ZBTB43: variants seen among roughly 807,000 people sequenced by gnomAD.
The protein encoded by ZBTB43 is zinc finger and BTB domain containing 43, also known as zinc finger and BTB domain-containing protein 43.
ZBTB43 carries 6 observed loss-of-function variants against 31.1 expected under a neutral mutation model. The observed-to-expected ratio is 0.19, with a 90% CI of 0.11 to 0.38. The LOEUF (loss-of-function observed/expected upper bound fraction) is 0.38. ZBTB43 is among the 10% of genes least tolerant of loss of function. The probability of loss-of-function intolerance (pLI) is 1.00; values close to 1 mark genes in which losing one functional copy is unlikely to be tolerated. For missense variants in ZBTB43, 379 were observed against 602.1 expected, an observed-to-expected ratio of 0.63 and a Z score of 3.88; for synonymous variants, 212 against 221.7, an observed-to-expected ratio of 0.96 and a Z score of 0.39.
At chr9:126,825,130 A>G (rs935696028) in intron 2 of ZBTB43, among the ~76,000 whole-genome samples, 5 of 151,880 alleles carry the variant, frequency 3.3e-5, no homozygotes, top group Non-Finnish European at 5.9e-5. Context: ...TGGTAGAGAC[A>G]GGTTCTCACT....
At chr9:126,827,658 C>T (rs2032671881) in intron 2 of ZBTB43, among the ~76,000 whole-genome samples, 1 of 152,212 alleles carries the variant, frequency 6.6e-6, no homozygotes, top group Non-Finnish European at 1.5e-5. Flanking sequence ...CCATAACCTC[C>T]CTTGTGGCAT....
At chr9:126,827,638 C>T (rs953451035) in intron 2 of ZBTB43, among the ~76,000 whole-genome samples, 1 of 152,212 alleles carries the variant, frequency 6.6e-6, no homozygotes, top group African/African-American at 2.4e-5. Context: ...GCTTCTGACT[C>T]CACCATTTTC....
intron 2 of ZBTB43, among the ~76,000 whole-genome samples, chr9:126,809,978 G>A (rs2032206558): frequency 6.6e-6 from 1 of 151,678 alleles, no homozygotes; most frequent in Non-Finnish European, 1.5e-5. Context: ...GGGATTACAG[G>A]TGCCGGCCAC....
chr9:126,827,293 G>A (rs2032662770), intron 2 of ZBTB43, among the ~76,000 whole-genome samples: 1 of 152,220 alleles, frequency 6.6e-6, no homozygotes. Flanking sequence ...AACCACTGCA[G>A]CCTGAGGGGG....
At position 126,826,454 on chromosome 9, in the gene ZBTB43, C is replaced by CTTTTTTTTTTTTTTTTTTTTTTTT. The variant is rs35094731; in HGVS notation, c.-23-6029_-23-6006dup. Among the ~76,000 whole-genome samples, 2 of 53,598 alleles carry CTTTTTTTTTTTTTTTTTTTTTTTT rather than the reference C, an allele frequency of 3.7e-5. 1 individual carries two copies. Among genetic ancestry groups the CTTTTTTTTTTTTTTTTTTTTTTTT allele is most frequent in the East Asian group, 2.0e-3 (2 of 1,010 alleles). The allele number at this position is 53,598 out of a possible 152,430, so 35.2% of individuals were successfully genotyped here. On this transcript the variant is annotated intron_variant, in intron 2 of 2. Transcript: ENST00000373464. ...GCGCCACCACTCCTGGCCCCCCCGC[C>CTTTTTTTTTTTTTTTTTTTTTTTT]TTTTTTTTTTTTTTTTTTTTTTTTT...
At position 126,817,100 on chromosome 9, in the gene ZBTB43, CTTTTTTTTTTTT is replaced by C. The variant is rs780632905; in HGVS notation, c.-24+8202_-24+8213del. Among the ~76,000 whole-genome samples, 18 of 55,320 alleles carry C rather than the reference CTTTTTTTTTTTT, an allele frequency of 3.3e-4. No individual in the cohort carries two copies. The East Asian group carries it at 4.6e-3, about 14-fold the overall frequency. The allele number at this position is 55,320 out of a possible 152,430, so 36.3% of individuals were successfully genotyped here. On this transcript the variant is annotated intron_variant, in intron 2 of 2. Transcript: ENST00000373464. ...CAACTTGGCCCCATTTCCACTGTAT[CTTTTTTTTTTTT>C]TTTTTTTTTTTTTTTTGAGACAGAG...
At chr9:126,809,231 G>T (rs933384634) in intron 2 of ZBTB43, among the ~76,000 whole-genome samples, 1 of 152,164 alleles carries the variant, frequency 6.6e-6, no homozygotes, top group African/African-American at 2.4e-5. Context: ...ACCACTGGCA[G>T]GTCTTTTAAT....
At chr9:126,824,154 G>A (rs1020504840) in intron 2 of ZBTB43, among the ~76,000 whole-genome samples, 1 of 152,024 alleles carries the variant, frequency 6.6e-6, no homozygotes, top group Non-Finnish European at 1.5e-5. Context: ...AGCCTCCCAA[G>A]TAACTGGGAT....
chr9:126,805,756 A>C (rs2032112631), intron 1 of ZBTB43, among the ~76,000 whole-genome samples: 1 of 152,152 alleles, frequency 6.6e-6, no homozygotes, highest in Non-Finnish European at 1.5e-5. Flanking sequence ...TCTGCCACTC[A>C]GCCCTTACTC....
rs1034692501 is a variant in ZBTB43 at position 126,835,587 on chromosome 9, G to A, written c.*1674G>A. 1.2e-5 allele frequency: 2 copies of A among 166,876 alleles called. No individual in the cohort carries two copies. Among genetic ancestry groups the A allele is most frequent in the African/African-American group, 4.8e-5 (2 of 41,370 alleles). The allele number at this position is 166,876 out of a possible 1,614,324, so 10.3% of individuals were successfully genotyped here. A position where few individuals can be genotyped will look rare whatever the true frequency, so the allele number is the denominator to read the frequency against. ...GGTGTTTACTTGTTGAACATTGTCT[G>A]GAAAGAGGAAAGAAAATACTTATTT... On this transcript the variant is annotated 3_prime_UTR_variant, in exon 3 of 3. Transcript: ENST00000373464.
rs1245175184 is a variant in ZBTB43, at chr9:126,836,718, C to T, written c.*2805C>T. ...AGGGATCACGTCAATGGCCTACAAC[C>T]AAGCTATTTGTCCCCTACTTTGAGT... On this transcript the variant is annotated 3_prime_UTR_variant, in exon 3 of 3. Transcript: ENST00000373464. 6.0e-6 allele frequency: 1 copy of T among 166,976 alleles called. No individual in the cohort carries two copies. The highest frequency in any genetic ancestry group is 1.5e-5 in the Non-Finnish European group (1 of 68,112). 10.3% of individuals were successfully genotyped at this position (166,976 alleles called of 1,614,324 possible).
At chr9:126,814,414 G>C (rs1473564455) in intron 2 of ZBTB43, among the ~76,000 whole-genome samples, 2 of 122,312 alleles carry the variant, frequency 1.6e-5, no homozygotes, top group South Asian at 5.2e-4. Flanking sequence ...GTATTGTGTT[G>C]CTTGACTTTT....
rs2032909174 is a variant in ZBTB43 at position 126,837,584 on chromosome 9, T to G, written c.*3671T>G. 1 of 167,038 alleles carries G rather than the reference T, an allele frequency of 6.0e-6. No individual in the cohort carries two copies. Among genetic ancestry groups the G allele is most frequent in the Non-Finnish European group, 1.5e-5 (1 of 68,124 alleles). 10.3% of individuals were successfully genotyped at this position (167,038 alleles called of 1,614,324 possible). On this transcript the variant is annotated 3_prime_UTR_variant, in exon 3 of 3. Transcript: ENST00000373464. ...GGGCGCCATCACAACGAGTCCAGGT[T>G]TTTGCTTTTGGAAGGTCTCTGATAA... is the stretch of plus-strand genomic sequence containing the variant.
Position 126,836,862 on chromosome 9 carries a change from G to A in ZBTB43, c.*2949G>A, listed in dbSNP as rs1008058715. The A allele has an allele frequency of 6.4e-6, 1 of 157,310 alleles. No homozygotes were observed. Among genetic ancestry groups the A allele is most frequent in the Non-Finnish European group, 1.5e-5 (1 of 68,080 alleles). 9.7% of individuals were successfully genotyped at this position (157,310 alleles called of 1,614,324 possible). On this transcript the variant is annotated 3_prime_UTR_variant, in exon 3 of 3. Transcript: ENST00000373464. ...CTCACGCCTGTAATCCCAGCACTTT[G>A]GGAGGCCGAGATGGGTGGATCACCT...
At chr9:126,829,100 G>C (rs1018032651) in intron 2 of ZBTB43, among the ~76,000 whole-genome samples, 6 of 152,162 alleles carry the variant, frequency 3.9e-5, no homozygotes, top group African/African-American at 1.4e-4. Context: ...TTGTTGGTGA[G>C]GGTGTGACTT....
rs12235974 is a variant in ZBTB43 at position 126,816,175 on chromosome 9, A to G, written c.-24+7260A>G. 2.5e-3 allele frequency among the ~76,000 whole-genome samples: 380 copies of G among 152,238 alleles called. 3 individuals carry two copies. In the East Asian group the frequency reaches 0.048, roughly 19 times the overall value. On this transcript the variant is annotated intron_variant, in intron 2 of 2. Transcript: ENST00000373464. ...TCTCAAGGACATTAACGGGCTGTAC[A>G]TCGATCTCTCTTCTCTGTTCTCCTG...
rs559822433 is a variant in ZBTB43, at chr9:126,830,424, C to G, written c.-23-2063C>G. On this transcript the variant is annotated intron_variant, in intron 2 of 2. Transcript: ENST00000373464. ...ACTTTGGGAGGCCAGGCGGGCAGAT[C>G]GCTTGAGTTCAGGAATTCGAGACCA... Among the ~76,000 whole-genome samples the G allele has an allele frequency of 2.0e-5, 3 of 152,284 alleles. No individual in the cohort carries two copies. The South Asian group carries it at 6.2e-4, about 32-fold the overall frequency.
Position 126,834,807 on chromosome 9 carries a change from C to T in ZBTB43, c.*894C>T, listed in dbSNP as rs1299412277. 1 of 167,020 alleles carries T rather than the reference C, an allele frequency of 6.0e-6. No homozygotes were observed. Among genetic ancestry groups the T allele is most frequent in the Non-Finnish European group, 1.5e-5 (1 of 68,132 alleles). 10.3% of individuals were successfully genotyped at this position (167,020 alleles called of 1,614,324 possible). On this transcript the variant is annotated 3_prime_UTR_variant, in exon 3 of 3. Transcript: ENST00000373464. Reference sequence around the variant, plus strand: ...ACCACGGTACCACGGGCTGCCACAGCCCCTGCTCTGTCTTAGATTATGGTG... The same window carrying T: ...ACCACGGTACCACGGGCTGCCACAGTCCCTGCTCTGTCTTAGATTATGGTG...
chr9:126,813,180 A>G (rs762402820), intron 2 of ZBTB43, among the ~76,000 whole-genome samples: 4 of 151,906 alleles, frequency 2.6e-5, no homozygotes, highest in African/African-American at 9.7e-5. Context: ...GGGTTTCACC[A>G]TGTTGGCCAG....
Sources: gnomAD v4.1 joint callset for allele counts (sites outside exome capture counted in the v4.1 genomes callset) on GRCh38, gnomAD v4.1.1 for gene constraint, MANE v1.5 for transcripts, NCBI Gene and HGNC (gene_info 2026-07-23, HGNC 2026-07-21) for gene names.